The following KIF26B variants were observed in gnomAD, a reference collection of about 807,000 sequenced individuals.
KIF26B encodes kinesin-like protein KIF26B.
In KIF26B, 63 loss-of-function variants were observed where a neutral mutation model predicts 151.2. That is an observed-to-expected ratio of 0.42 (90% CI 0.34 to 0.51). The LOEUF (loss-of-function observed/expected upper bound fraction) is 0.51, where lower values mean the gene tolerates loss of function less well. KIF26B is among the 20% of genes least tolerant of loss of function. KIF26B has a pLI of 0.07. For synonymous variants in KIF26B, 1,357 were observed against 1,262.1 expected (o/e 1.08, Z -1.59); for missense variants, 2,813 against 2,913.6 (o/e 0.97, Z 0.79).
intron 2 of KIF26B, among the ~76,000 whole-genome samples, chr1:245,185,443 G>T (rs959253165): frequency 5.9e-5 from 9 of 152,152 alleles, no homozygotes; most frequent in African/African-American, 2.2e-4. Flanking sequence ...AGGAAGGGAG[G>T]GGGGTCTGGA....
intron 3 of KIF26B, among the ~76,000 whole-genome samples, chr1:245,383,321 T>C (rs1673461165): frequency 6.6e-6 from 1 of 152,102 alleles, no homozygotes. Flanking sequence ...AACCGAGGCA[T>C]CCCTCACGTC....
At chr1:245,196,628 A>G (rs1422639896) in intron 2 of KIF26B, among the ~76,000 whole-genome samples, 3 of 152,184 alleles carry the variant, frequency 2.0e-5, no homozygotes, top group Non-Finnish European at 4.4e-5. Context: ...AACCACTGCC[A>G]TAGCCAAGCC....
intron 2 of KIF26B, among the ~76,000 whole-genome samples, chr1:245,222,109 A>G (rs988030424): frequency 6.6e-6 from 1 of 152,176 alleles, no homozygotes; most frequent in Non-Finnish European, 1.5e-5. Context: ...AAGAAATATC[A>G]CATGCCAACT....
chr1:245,305,172 CAA>C (rs1280288560), intron 2 of KIF26B, among the ~76,000 whole-genome samples: 3 of 152,092 alleles, frequency 2.0e-5, no homozygotes, highest in East Asian at 1.9e-4. Context: ...AAGAGAAAAT[CAA>C]AGAGTATGCT....
intron 2 of KIF26B, among the ~76,000 whole-genome samples, chr1:245,164,650 A>G (rs1668586027): frequency 6.6e-6 from 1 of 152,244 alleles, no homozygotes; most frequent in African/African-American, 2.4e-5. Flanking sequence ...TGAGTGCGTG[A>G]CAGGCTGGAA....
intron 2 of KIF26B, among the ~76,000 whole-genome samples, chr1:245,254,020 C>T (rs1231285238): frequency 6.6e-6 from 1 of 151,840 alleles, no homozygotes; most frequent in Non-Finnish European, 1.5e-5. Flanking sequence ...CCGTGTTAGC[C>T]AGGATGGTCT....
At chr1:245,160,324 G>A (rs1157785514) in intron 2 of KIF26B, among the ~76,000 whole-genome samples, 4 of 152,208 alleles carry the variant, frequency 2.6e-5, no homozygotes, top group Non-Finnish European at 4.4e-5. Context: ...GTAAAGTGTT[G>A]AGATTTTAAG....
At position 245,556,272 on chromosome 1, in the gene KIF26B, C is replaced by CTCT. The variant is rs67518239; in HGVS notation, c.1350+15334_1350+15336dup. ...TCTTCCTCCTTCCTCCCTCCTCCTC[C>CTCT]TCTTCTTCTTCTTCCTCCTCCTTCC... On this transcript the variant is annotated intron_variant, in intron 5 of 14. Transcript: ENST00000407071. Among the ~76,000 whole-genome samples the CTCT allele has an allele frequency of 5.5e-5, 4 of 72,090 alleles. No homozygotes were observed. The South Asian group carries it at 1.4e-3, about 25-fold the overall frequency. The allele number at this position is 72,090 out of a possible 152,430, so 47.3% of individuals were successfully genotyped here.
At chr1:245,386,347 A>AAAAAG (rs1553269260) in intron 3 of KIF26B, among the ~76,000 whole-genome samples, 2 of 150,932 alleles carry the variant, frequency 1.3e-5, no homozygotes, top group African/African-American at 4.9e-5. Context: ...AAAAAAAAAA[A>AAAAAG]GACAGATTTA....
rs372970889 is a variant in KIF26B at position 245,358,855 on chromosome 1, TTTAAAG to T, written c.466-7974_466-7969del. ...ATTTTGTGTCATGTTGAACATGAACTTTAAAGTTAAGGGAAACATTTTAAGTACGTA... is the reference window on the plus strand; with the variant it reads ...ATTTTGTGTCATGTTGAACATGAACTTTAAGGGAAACATTTTAAGTACGTA... On this transcript the variant is annotated intron_variant, in intron 2 of 14. Transcript: ENST00000407071. This position sits in a 1 kb window ranked among gnomAD's most constrained non-coding sequence, Gnocchi z 4.1. 3.0e-4 allele frequency among the ~76,000 whole-genome samples: 45 copies of T among 152,344 alleles called. 1 individual carries two copies. Among genetic ancestry groups the T allele is most frequent in the African/African-American group, 1.0e-3 (42 of 41,582 alleles).
intron 10 of KIF26B, 101 bp downstream of exon 10, chr1:245,646,381 T>G: frequency 7.9e-7 from 1 of 1,267,784 alleles, no homozygotes; most frequent in Middle Eastern, 2.7e-4. Flanking sequence ...AGGGACAGCC[T>G]GGACCCCATT....
At chr1:245,340,114 G>C (rs1203414584) in intron 2 of KIF26B, among the ~76,000 whole-genome samples, 1 of 152,222 alleles carries the variant, frequency 6.6e-6, no homozygotes, top group Non-Finnish European at 1.5e-5. Flanking sequence ...AGCTGAGCTA[G>C]AGTCTCATTG....
intron 2 of KIF26B, among the ~76,000 whole-genome samples, chr1:245,257,356 C>T (rs1670556009): frequency 6.6e-6 from 1 of 152,202 alleles, no homozygotes; most frequent in African/African-American, 2.4e-5. Context: ...TCACAGGCCA[C>T]GGTCACTCAT....
chr1:245,521,340 T>TAAA (rs5782356), intron 4 of KIF26B, among the ~76,000 whole-genome samples: 2 of 136,228 alleles, frequency 1.5e-5, no homozygotes, highest in African/African-American at 5.6e-5. Flanking sequence ...GACTCCGTCT[T>TAAA]AAAAAAAAAA....
At chr1:245,553,086 C>T (rs1018847416) in intron 5 of KIF26B, among the ~76,000 whole-genome samples, 1 of 152,154 alleles carries the variant, frequency 6.6e-6, no homozygotes, top group Non-Finnish European at 1.5e-5. Flanking sequence ...TGTTCTTTTC[C>T]AAATCATACA....
chr1:245,490,619 AC>A (rs1352170481), intron 4 of KIF26B, among the ~76,000 whole-genome samples: 1 of 152,076 alleles, frequency 6.6e-6, no homozygotes, highest in Non-Finnish European at 1.5e-5. Context: ...CCTGTAGAAC[AC>A]ATTTTTATTA....
intron 2 of KIF26B, among the ~76,000 whole-genome samples, chr1:245,193,258 A>C (rs1669140051): frequency 6.6e-6 from 1 of 152,100 alleles, no homozygotes; most frequent in African/African-American, 2.4e-5. Context: ...TATGAGCCAC[A>C]TTTTCTTTAT....
intron 4 of KIF26B, among the ~76,000 whole-genome samples, chr1:245,450,702 G>A (rs997418527): frequency 2.3e-4 from 35 of 152,248 alleles, no homozygotes; most frequent in African/African-American, 8.2e-4. Flanking sequence ...AGTCAAAAGT[G>A]TTTTTTATAC....
intron 9 of KIF26B, among the ~76,000 whole-genome samples, chr1:245,626,502 G>A (rs1349621258): frequency 6.6e-6 from 1 of 151,532 alleles, no homozygotes; most frequent in South Asian, 2.1e-4. Flanking sequence ...TAGGGACATT[G>A]AACATTTTTT....
Sources: gnomAD v4.1 joint callset for allele counts (sites outside exome capture counted in the v4.1 genomes callset) on GRCh38, gnomAD v4.1.1 for gene constraint, Gnocchi (gnomAD v3.1) non-coding constraint, MANE v1.5 for transcripts, NCBI Gene and HGNC (gene_info 2026-07-23, HGNC 2026-07-21) for gene names.